The following ST3GAL6 variants were observed in gnomAD, a reference collection of about 807,000 sequenced individuals.
The protein encoded by ST3GAL6 is ST3 beta-galactoside alpha-2,3-sialyltransferase 6.
A neutral mutation model predicts 40.5 loss-of-function variants in ST3GAL6; 31 were observed. The observed-to-expected ratio is 0.77, with a 90% CI of 0.58 to 1.03. The LOEUF (loss-of-function observed/expected upper bound fraction) is 1.03. ST3GAL6 is among the 50% of genes least tolerant of loss of function. ST3GAL6 has a pLI of 0.00. For missense variants in ST3GAL6, 357 were observed against 393.2 expected, an observed-to-expected ratio of 0.91 and a Z score of 0.78; for synonymous variants, 129 against 136.9, an observed-to-expected ratio of 0.94 and a Z score of 0.40.
chr3:98,750,762 C>G (rs1388538514), intron 1 of ST3GAL6, among the ~76,000 whole-genome samples: 1 of 152,136 alleles, frequency 6.6e-6, no homozygotes, highest in Non-Finnish European at 1.5e-5. Flanking sequence ...GACCCACTTT[C>G]CAAGAATGCA....
chr3:98,767,040 C>T (rs565545274), intron 1 of ST3GAL6, among the ~76,000 whole-genome samples: 24 of 152,268 alleles, frequency 1.6e-4, no homozygotes, highest in African/African-American at 5.3e-4. Context: ...CATTAACTTG[C>T]TTATTTATTT....
intron 8 of ST3GAL6, among the ~76,000 whole-genome samples, chr3:98,788,927 T>C (rs1576132119): frequency 6.6e-6 from 1 of 152,218 alleles, no homozygotes. Flanking sequence ...GACAATAAAG[T>C]AGTCCAGAAA....
intron 5 of ST3GAL6, among the ~76,000 whole-genome samples, chr3:98,775,605 T>C (rs1939474710): frequency 1.3e-5 from 2 of 152,222 alleles, no homozygotes; most frequent in African/African-American, 2.4e-5. Flanking sequence ...GTTTTGTTCT[T>C]GACTAATTTT....
At chr3:98,777,442 C>T (rs1289628308) in intron 5 of ST3GAL6, among the ~76,000 whole-genome samples, 2 of 152,212 alleles carry the variant, frequency 1.3e-5, no homozygotes, top group Non-Finnish European at 2.9e-5. Context: ...TAAACATTGA[C>T]TAGCAACCAC....
intron 1 of ST3GAL6, among the ~76,000 whole-genome samples, chr3:98,742,491 G>A (rs1188722135): frequency 6.6e-6 from 1 of 152,152 alleles, no homozygotes. Flanking sequence ...GGAGAGGTCT[G>A]CAAGGAGGCT....
chr3:98,772,775 G>T (rs2334230), intron 3 of ST3GAL6, 38 bp from the exon 4 acceptor site: 601,486 of 1,414,936 alleles, frequency 0.43, 130,543 homozygotes, highest in Non-Finnish European at 0.45. Flanking sequence ...AAATATAGTA[G>T]GTATTTGGCA....
chr3:98,752,252 A>G (rs1385202213), intron 1 of ST3GAL6, among the ~76,000 whole-genome samples: 1 of 152,072 alleles, frequency 6.6e-6, no homozygotes, highest in Non-Finnish European at 1.5e-5. Context: ...TTTCATAGAT[A>G]TTGTGCTTTT....
intron 1 of ST3GAL6, among the ~76,000 whole-genome samples, chr3:98,757,800 C>A (rs980361133): frequency 6.6e-6 from 1 of 151,596 alleles, no homozygotes; most frequent in African/African-American, 2.4e-5. Context: ...TAAAACTGTT[C>A]TATCACATAA....
chr3:98,789,645 G>A (rs1366387157), intron 8 of ST3GAL6, among the ~76,000 whole-genome samples: 1 of 152,124 alleles, frequency 6.6e-6, no homozygotes, highest in African/African-American at 2.4e-5. Flanking sequence ...TTCTGGAAGT[G>A]GAATGCTCAA....
At chr3:98,739,189 G>C (rs922730911) in intron 1 of ST3GAL6, among the ~76,000 whole-genome samples, 36 of 152,244 alleles carry the variant, frequency 2.4e-4, no homozygotes, top group African/African-American at 8.4e-4. Context: ...CTGGGACACA[G>C]CTAAAGCACT....
chr3:98,734,357 ATTTAG>A (rs1433992563), intron 1 of ST3GAL6, among the ~76,000 whole-genome samples: 2 of 152,066 alleles, frequency 1.3e-5, no homozygotes. Flanking sequence ...TTAGACTGTT[ATTTAG>A]TTTATTGTCT....
At chr3:98,783,764 G>A (rs1940413647) in intron 5 of ST3GAL6, 1 of 802,164 alleles carries the variant, frequency 1.2e-6, no homozygotes, top group African/African-American at 1.9e-5. Context: ...TGACTGATTA[G>A]GTAGACACTG....
upstream of ST3GAL6, among the ~76,000 whole-genome samples, chr3:98,759,851 G>T (rs1238585266): frequency 6.6e-6 from 1 of 152,154 alleles, no homozygotes; most frequent in Non-Finnish European, 1.5e-5. Context: ...GCTGTAATGT[G>T]AATGGAGGAA....
At chr3:98,759,945 G>A (rs912697893), upstream of ST3GAL6, among the ~76,000 whole-genome samples, 1 of 151,932 alleles carries the variant, frequency 6.6e-6, no homozygotes, top group African/African-American at 2.4e-5. Flanking sequence ...AAATAATACA[G>A]GAAAGACAGT....
intron 1 of ST3GAL6, among the ~76,000 whole-genome samples, chr3:98,746,259 G>A (rs973132768): frequency 2.0e-5 from 3 of 152,146 alleles, no homozygotes; most frequent in East Asian, 1.9e-4. Flanking sequence ...GATTTCTTAA[G>A]CTTCAGAGAT....
In ST3GAL6 at chr3:98,793,891, A is replaced by C; in HGVS notation, c.*130A>C. ...TGTCTGTTGCTGCCTGGTGATTCATAACCACCAGCTTAATTTCTGTGAATA... is the reference window on the plus strand; with the variant it reads ...TGTCTGTTGCTGCCTGGTGATTCATCACCACCAGCTTAATTTCTGTGAATA... On this transcript the variant is annotated 3_prime_UTR_variant, in exon 10 of 10. Transcript: ENST00000483910. 2.2e-6 allele frequency: 1 copy of C among 461,218 alleles called. No homozygotes were observed. Among genetic ancestry groups the C allele is most frequent in the Non-Finnish European group, 3.8e-6 (1 of 264,830 alleles). 28.6% of individuals were successfully genotyped at this position (461,218 alleles called of 1,614,324 possible).
chr3:98,759,989 A>G (rs1375407827), upstream of ST3GAL6, among the ~76,000 whole-genome samples: 1 of 152,152 alleles, frequency 6.6e-6, no homozygotes, highest in Non-Finnish European at 1.5e-5. Context: ...ACAAAAAACA[A>G]AAAACCCCAC....
chr3:98,747,165 C>T (rs184416211), intron 1 of ST3GAL6, among the ~76,000 whole-genome samples: 4 of 152,284 alleles, frequency 2.6e-5, no homozygotes, highest in Admixed American at 2.6e-4. Flanking sequence ...GTTTGTTTAT[C>T]TACTTTCTTC....
intron 1 of ST3GAL6, among the ~76,000 whole-genome samples, chr3:98,764,601 T>A (rs1243979805): frequency 1.3e-5 from 2 of 152,180 alleles, no homozygotes; most frequent in Non-Finnish European, 2.9e-5. Flanking sequence ...AAAGCTCACA[T>A]CTAGGGGGAG....
Sources: gnomAD v4.1 joint callset for allele counts (sites outside exome capture counted in the v4.1 genomes callset) on GRCh38, gnomAD v4.1.1 for gene constraint, MANE v1.5 for transcripts, NCBI Gene and HGNC (gene_info 2026-07-23, HGNC 2026-07-21) for gene names.